Variants in SCAF11 observed in about 807,000 individuals in gnomAD.
SCAF11 encodes the protein SR-related CTD associated factor 11, also known as protein SCAF11.
In SCAF11, 47 loss-of-function variants were observed where a neutral mutation model predicts 140.5. The observed-to-expected ratio is 0.33, with a 90% CI of 0.26 to 0.43. The LOEUF (loss-of-function observed/expected upper bound fraction) is 0.43. SCAF11 is among the 20% of genes least tolerant of loss of function. The pLI, the probability that SCAF11 is intolerant of heterozygous loss-of-function variation, is 1.00. For missense variants in SCAF11, 1,645 were observed against 1,705.1 expected, an observed-to-expected ratio of 0.96 and a Z score of 0.62; for synonymous variants, 557 against 579.4, an observed-to-expected ratio of 0.96 and a Z score of 0.55.
intron 14 of SCAF11, 22 bp downstream of exon 14, chr12:45,922,441 C>T (rs566907026): frequency 6.3e-7 from 1 of 1,593,994 alleles, no homozygotes; most frequent in African/African-American, 1.4e-5. Flanking sequence ...CGTGCACATA[C>T]TCCACTAAAG....
At chr12:45,944,421 CA>C (rs1192961480) in intron 6 of SCAF11, among the ~76,000 whole-genome samples, 1 of 152,082 alleles carries the variant, frequency 6.6e-6, no homozygotes, top group Non-Finnish European at 1.5e-5. Flanking sequence ...ACAAAGCCAA[CA>C]AAAAACCAAC....
Position 45,947,170 on chromosome 12 carries a change from T to C in SCAF11, c.398+1267A>G, listed in dbSNP as rs369277203. On this transcript the variant is annotated intron_variant, in intron 5 of 14. Coordinates refer to ENST00000369367, the MANE Select transcript of SCAF11 (RefSeq NM_004719.3). ...ATTTAATTATGAATCTGACAACATA[T>C]TGACTTAAAAATTCAACTCTTGGAC... is the stretch of plus-strand genomic sequence containing the variant. Among the ~76,000 whole-genome samples the C allele has an allele frequency of 5.3e-5, 8 of 152,328 alleles. No individual in the cohort carries two copies. The East Asian group carries it at 1.2e-3, about 22-fold the overall frequency.
At chr12:45,971,646 G>A (rs1946076229) in intron 1 of SCAF11, among the ~76,000 whole-genome samples, 2 of 152,242 alleles carry the variant, frequency 1.3e-5, no homozygotes, top group Admixed American at 6.5e-5. Flanking sequence ...TAAGGGGGAG[G>A]GGAGCTGGGG....
intron 6 of SCAF11, chr12:45,944,942 C>CTTCTGCACTAATG (rs1219317296): frequency 2.5e-5 from 8 of 315,300 alleles, no homozygotes; most frequent in African/African-American, 1.8e-4. Flanking sequence ...CCCCCAAGGA[C>CTTCTGCACTAATG]TTCTGCACTA....
At chr12:45,939,082 G>A (rs1316637340) in intron 6 of SCAF11, among the ~76,000 whole-genome samples, 2 of 150,192 alleles carry the variant, frequency 1.3e-5, no homozygotes, top group Non-Finnish European at 3.0e-5. Context: ...CCTCTAGTGT[G>A]GCAACATCAT....
chr12:45,971,543 G>T (rs1030901831), intron 1 of SCAF11, among the ~76,000 whole-genome samples: 2 of 152,126 alleles, frequency 1.3e-5, no homozygotes, highest in African/African-American at 4.8e-5. Flanking sequence ...CCCCTGGCCT[G>T]GGATTAATAA....
chr12:45,926,955 T>G lies in SCAF11; in HGVS notation c.2746A>C (p.Ser916Arg), dbSNP rs777397726. ...TCTCTCCTCTGCCCATCTCTATCAC[T>G]TTCTCGTTCTCTGCTCTGGGACCTG... ...KSRSQSRERE[S>R]DRDGQRRERE... The change falls in exon 11 of 15, where the codon AGT becomes CGT. Residue 916 changes from serine (S) to arginine (R), a missense_variant. Transcript: ENST00000369367. 10 of 1,612,670 alleles carry G rather than the reference T, an allele frequency of 6.2e-6. No homozygotes were observed. Among genetic ancestry groups the G allele is most frequent in the East Asian group, 2.2e-5 (1 of 44,876 alleles).
At chr12:45,935,788 C>T (rs968261355) in intron 6 of SCAF11, among the ~76,000 whole-genome samples, 1 of 152,166 alleles carries the variant, frequency 6.6e-6, no homozygotes, top group Non-Finnish European at 1.5e-5. Flanking sequence ...AGCTGTTTCA[C>T]ATATTTCTGG....
chr12:45,971,450 T>C (rs1946069946), intron 1 of SCAF11, among the ~76,000 whole-genome samples: 1 of 152,166 alleles, frequency 6.6e-6, no homozygotes, highest in Non-Finnish European at 1.5e-5. Context: ...GAGTAAATAA[T>C]AGCATATGGA....
intron 1 of SCAF11, among the ~76,000 whole-genome samples, chr12:45,967,636 T>C (rs962338249): frequency 2.0e-5 from 3 of 152,184 alleles, no homozygotes; most frequent in African/African-American, 7.2e-5. Flanking sequence ...AGAGTGAGGC[T>C]CCATCTCAAA....
intron 1 of SCAF11, among the ~76,000 whole-genome samples, chr12:45,967,863 G>A (rs2136629409): frequency 6.6e-6 from 1 of 152,304 alleles, no homozygotes; most frequent in East Asian, 1.9e-4. Flanking sequence ...AACTTGTCCT[G>A]TTTATCTGTT....
intron 12 of SCAF11, among the ~76,000 whole-genome samples, chr12:45,923,837 G>A (rs1000960342): frequency 4.0e-5 from 6 of 150,792 alleles, no homozygotes; most frequent in African/African-American, 1.5e-4. Flanking sequence ...ATGCATCACC[G>A]CGCCTGGCTA....
chr12:45,960,334 C>G (rs1390128019), intron 3 of SCAF11: 1 of 152,070 alleles, frequency 6.6e-6, no homozygotes, highest in Non-Finnish European at 1.5e-5. Context: ...ATGTGGTCAC[C>G]AAATACAATC....
intron 9 of SCAF11, 102 bp from the exon 10 acceptor site, chr12:45,931,714 C>T (rs2136522101): frequency 1.8e-6 from 1 of 556,506 alleles, no homozygotes; most frequent in Non-Finnish European, 3.0e-6. Flanking sequence ...TATTAAAATA[C>T]AGTGCTTAAA....
intron 1 of SCAF11, among the ~76,000 whole-genome samples, chr12:45,983,742 AACACAC>A (rs55655357): frequency 0.012 from 1,576 of 133,986 alleles, 14 homozygotes; most frequent in Non-Finnish European, 0.019. Context: ...CTAAACCTAA[AACACAC>A]ACACACACAC....
At chr12:45,964,055 G>T in intron 2 of SCAF11, 52 bp downstream of exon 2, 1 of 936,076 alleles carries the variant, frequency 1.1e-6, no homozygotes, top group Non-Finnish European at 1.7e-6. Flanking sequence ...GGACAGTTTG[G>T]AAACAACTGT....
upstream of SCAF11, chr12:45,990,715 C>T: frequency 1.5e-6 from 1 of 661,672 alleles, no homozygotes; most frequent in Non-Finnish European, 2.1e-6. Flanking sequence ...CTCGCTCGCT[C>T]TGGCCCTGAG....
intron 6 of SCAF11, chr12:45,935,019 A>G (rs2136530849): frequency 6.6e-6 from 1 of 152,426 alleles, no homozygotes; most frequent in East Asian, 1.9e-4. Flanking sequence ...CTTTCCTTCC[A>G]ATTTTATACT....
chr12:45,982,590 A>G (rs1327014755), intron 1 of SCAF11, among the ~76,000 whole-genome samples: 1 of 152,164 alleles, frequency 6.6e-6, no homozygotes, highest in Non-Finnish European at 1.5e-5. Flanking sequence ...CTGTAATCCT[A>G]GCTACTCAGG....
Sources: allele counts gnomAD v4.1 joint callset (sites outside exome capture counted in the v4.1 genomes callset), GRCh38; gene constraint gnomAD v4.1.1; transcripts MANE v1.5; gene names NCBI Gene and HGNC (gene_info 2026-07-23, HGNC 2026-07-21).